The following NEDD9 variants were observed in gnomAD, a reference collection of about 807,000 sequenced individuals.
NEDD9 encodes the protein neural precursor cell expressed, developmentally down-regulated 9.
Under a neutral mutation model 76.6 loss-of-function variants are expected in NEDD9, and 26 were observed. The observed-to-expected ratio is 0.34, with a 90% confidence interval of 0.25 to 0.47. NEDD9 has a LOEUF of 0.47. Ranked by LOEUF, NEDD9 falls within the 20% of genes least tolerant of loss-of-function variation. NEDD9 has a pLI of 1.00. For synonymous variants in NEDD9, 392 were observed against 414.2 expected, an observed-to-expected ratio of 0.95 and a Z score of 0.65; for missense variants, 937 against 1,058.5, an observed-to-expected ratio of 0.89 and a Z score of 1.59.
chr6:11,320,736 G>A (rs932967470), intron 2 of NEDD9, among the ~76,000 whole-genome samples: 20 of 152,198 alleles, frequency 1.3e-4, no homozygotes, highest in African/African-American at 1.9e-4. Context: ...AGGTCTTTAC[G>A]TTTGGAAAGA....
chr6:11,236,666 A>G (rs9468689), upstream of NEDD9, among the ~76,000 whole-genome samples: 3,814 of 152,310 alleles, frequency 0.025, 171 homozygotes, highest in African/African-American at 0.087. This position sits in a 1 kb window ranked among gnomAD's most constrained non-coding sequence, Gnocchi z 5.5. Flanking sequence ...TGGTGAGGTC[A>G]GGCCCCTGAA....
intron 1 of NEDD9, among the ~76,000 whole-genome samples, chr6:11,216,285 G>A (rs571001647): frequency 1.3e-5 from 2 of 152,334 alleles, no homozygotes; most frequent in East Asian, 1.9e-4. Flanking sequence ...AGCCTTGGCC[G>A]AACAGGAGTA....
intron 2 of NEDD9, among the ~76,000 whole-genome samples, chr6:11,203,052 C>G (rs545756780): frequency 2.0e-5 from 3 of 152,306 alleles, no homozygotes; most frequent in African/African-American, 7.2e-5. Flanking sequence ...TTTCAGGAAG[C>G]TCTTTGTGTA....
intron 2 of NEDD9, among the ~76,000 whole-genome samples, chr6:11,306,975 A>C (rs1348408930): frequency 6.6e-6 from 1 of 152,174 alleles, no homozygotes; most frequent in African/African-American, 2.4e-5. Context: ...TTTGTAGGCT[A>C]TAGTTGGGGT....
chr6:11,319,590 G>A (rs977096886), intron 2 of NEDD9, among the ~76,000 whole-genome samples: 5 of 110,500 alleles, frequency 4.5e-5, no homozygotes, highest in South Asian at 5.5e-4. Context: ...TCACACTAAC[G>A]CACACACTAA....
intron 2 of NEDD9, among the ~76,000 whole-genome samples, chr6:11,321,534 G>T (rs1323344556): frequency 6.6e-6 from 1 of 152,218 alleles, no homozygotes; most frequent in Non-Finnish European, 1.5e-5. Context: ...GGAGCTGGGA[G>T]AAACTCAAGT....
At chr6:11,317,082 C>T (rs10484451) in intron 2 of NEDD9, among the ~76,000 whole-genome samples, 11,844 of 152,120 alleles carry the variant, frequency 0.078, 597 homozygotes, top group Admixed American at 0.16. Context: ...AGTCATGAGC[C>T]TAGAGCTGGC....
chr6:11,278,062 C>G (rs1424571231), intron 3 of NEDD9, among the ~76,000 whole-genome samples: 1 of 152,176 alleles, frequency 6.6e-6, no homozygotes, highest in East Asian at 1.9e-4. Context: ...CGGGTGCTTC[C>G]TCTCTGCTGC....
chr6:11,311,730 G>C (rs988105187), intron 2 of NEDD9, among the ~76,000 whole-genome samples: 1 of 152,168 alleles, frequency 6.6e-6, no homozygotes, highest in African/African-American at 2.4e-5. Context: ...AGACTGGGTC[G>C]GGTGCAGTGG....
chr6:11,381,078 A>G (rs748436479), intron 1 of NEDD9, among the ~76,000 whole-genome samples: 2 of 152,278 alleles, frequency 1.3e-5, no homozygotes, highest in Admixed American at 6.5e-5. Flanking sequence ...CACTGATTTC[A>G]CATCCTTTCT....
chr6:11,214,071 G>A, intron 1 of NEDD9: 5 of 417,632 alleles, frequency 1.2e-5, no homozygotes, highest in South Asian at 9.6e-5. Context: ...TTTTCAAAGT[G>A]AGCTTAAGGA....
At position 11,200,819 on chromosome 6, in the gene NEDD9, T is replaced by C; in HGVS notation, c.460-7127A>G. 3 of 1,477,936 alleles carry C rather than the reference T, an allele frequency of 2.0e-6. No homozygotes were observed. In the African/African-American group the frequency reaches 4.2e-5, roughly 21 times the overall value. The allele number at this position is 1,477,936 out of a possible 1,614,324, so 91.6% of individuals were successfully genotyped here. A position where few individuals can be genotyped will look rare whatever the true frequency, so the allele number is the denominator to read the frequency against. The stretch of plus-strand genomic sequence containing the variant: ...ATCAGTATTGGCATTATTACGGTTA[T>C]CACCAGAGCAGCTCAAGACACGCCA... On this transcript the variant is annotated intron_variant, in intron 2 of 6. Transcript: ENST00000379446.
intron 1 of NEDD9, chr6:11,352,338 C>T (rs1350547103): frequency 1.3e-5 from 2 of 152,178 alleles, no homozygotes; most frequent in Non-Finnish European, 2.9e-5. Context: ...TCTGCTGTTT[C>T]ATGATCCAAC....
At chr6:11,268,403 T>A (rs1760239353) in intron 3 of NEDD9, among the ~76,000 whole-genome samples, 1 of 152,050 alleles carries the variant, frequency 6.6e-6, no homozygotes, top group Non-Finnish European at 1.5e-5. Context: ...AGAATAAGAC[T>A]GAGTCAAAAT....
At chr6:11,232,452 C>G (rs371306269) in intron 1 of NEDD9, 52 bp downstream of exon 1, 5 of 1,610,726 alleles carry the variant, frequency 3.1e-6, no homozygotes, top group Non-Finnish European at 4.2e-6. Context: ...AGCACACACC[C>G]GCAGGCACAG....
intron 1 of NEDD9, among the ~76,000 whole-genome samples, chr6:11,219,938 T>C (rs974163859): frequency 5.9e-5 from 9 of 152,196 alleles, no homozygotes; most frequent in African/African-American, 2.2e-4. Context: ...ATCTGGAATG[T>C]CGAATTTTTT....
chr6:11,306,107 T>C (rs1029040193), exon 3 of NEDD9: 15 of 1,376,278 alleles, frequency 1.1e-5, no homozygotes, highest in East Asian at 6.9e-5. Context: ...TTGAAGAACA[T>C]ATGATGTTTG....
chr6:11,310,061 G>A (rs1224569485), intron 2 of NEDD9, among the ~76,000 whole-genome samples: 1 of 152,146 alleles, frequency 6.6e-6, no homozygotes, highest in East Asian at 1.9e-4. Context: ...AGGGGTGTGT[G>A]TCCCCAGAGC....
intron 2 of NEDD9, among the ~76,000 whole-genome samples, chr6:11,208,894 C>A (rs563333650): frequency 1.3e-5 from 2 of 152,274 alleles, no homozygotes; most frequent in East Asian, 3.9e-4. Flanking sequence ...ATTTCATTTA[C>A]CCCAAACCAT....
Sources: allele counts gnomAD v4.1 joint callset (sites outside exome capture counted in the v4.1 genomes callset), GRCh38; gene constraint gnomAD v4.1.1; non-coding constraint Gnocchi (gnomAD v3.1); transcripts MANE v1.5; gene names NCBI Gene and HGNC (gene_info 2026-07-23, HGNC 2026-07-21).